ANXA6: variants seen among roughly 807,000 people sequenced by gnomAD.
ANXA6 encodes the protein 67 kDa calelectrin.
A neutral mutation model predicts 95.4 loss-of-function variants in ANXA6; 71 were observed. The observed-to-expected ratio is 0.74, with a 90% confidence interval of 0.61 to 0.91. The LOEUF (loss-of-function observed/expected upper bound fraction) is 0.91, where lower values mean the gene tolerates loss of function less well. ANXA6 is among the 40% of genes least tolerant of loss of function. ANXA6 has a pLI of 0.00. For synonymous variants in ANXA6, 289 were observed against 315.9 expected (o/e 0.91, Z 0.90); for missense variants, 830 against 876.4 (o/e 0.95, Z 0.67).
chr5:151,122,656 C>T (rs1366675562), intron 16 of ANXA6, among the ~76,000 whole-genome samples: 2 of 152,222 alleles, frequency 1.3e-5, no homozygotes, highest in Admixed American at 6.5e-5. Flanking sequence ...CAACTCATAG[C>T]CCTGATCTTG....
intron 1 of ANXA6, among the ~76,000 whole-genome samples, chr5:151,153,548 T>C (rs1187765467): frequency 6.6e-6 from 1 of 152,212 alleles, no homozygotes; most frequent in Non-Finnish European, 1.5e-5. Context: ...CTCCATTAGA[T>C]AAGGGCTGCC....
intron 13 of ANXA6, among the ~76,000 whole-genome samples, 200 bp downstream of exon 13, chr5:151,127,981 G>A (rs1246975990): frequency 2.6e-5 from 4 of 152,212 alleles, no homozygotes; most frequent in Non-Finnish European, 4.4e-5. Flanking sequence ...CCACGCTCAC[G>A]TTCAGACCCC....
At position 151,127,974 on chromosome 5, in the gene ANXA6, C is replaced by T. The variant is rs116406498; in HGVS notation, c.977+207G>A. Among the ~76,000 whole-genome samples, 968 of 152,276 alleles carry T rather than the reference C, an allele frequency of 6.4e-3. 9 individuals are homozygous for T. The highest frequency in any genetic ancestry group is 0.023 in the African/African-American group (939 of 41,558). ...AGACATCTCCATATACAGGAGACCACGCTCACGTTCAGACCCCCACACTCT... is the reference window on the plus strand; with the variant it reads ...AGACATCTCCATATACAGGAGACCATGCTCACGTTCAGACCCCCACACTCT... On this transcript the variant is annotated intron_variant, in intron 13 of 25. Coordinates refer to ENST00000354546, the MANE Select transcript of ANXA6 (RefSeq NM_001155.5).
intron 17 of ANXA6, among the ~76,000 whole-genome samples, chr5:151,121,783 A>G (rs1337808939): frequency 6.6e-6 from 1 of 152,206 alleles, no homozygotes; most frequent in Non-Finnish European, 1.5e-5. Flanking sequence ...GTAAATGCCA[A>G]GCCTGTTGTT....
rs543393937 is a variant in ANXA6 at position 151,137,732 on chromosome 5, C to T, written c.319-411G>A. ...CTCCCACCATGTGAGATGCCTGCTC[C>T]CTCTTTGCCTTCTGCCAAGACTGGA... On this transcript the variant is annotated intron_variant, in intron 5 of 25. Coordinates refer to ENST00000354546, the MANE Select transcript of ANXA6 (RefSeq NM_001155.5). 4.5e-4 allele frequency among the ~76,000 whole-genome samples: 68 copies of T among 152,312 alleles called. 1 individual carries two copies. Among genetic ancestry groups the T allele is most frequent in the Middle Eastern group, 6.8e-3 (2 of 294 alleles).
At chr5:151,102,184 T>C (rs1438431202) in intron 25 of ANXA6, among the ~76,000 whole-genome samples, 1 of 152,256 alleles carries the variant, frequency 6.6e-6, no homozygotes, top group African/African-American at 2.4e-5. Context: ...ATCATTGTTA[T>C]GAGACATGGT....
intron 2 of ANXA6, among the ~76,000 whole-genome samples, chr5:151,146,522 G>A (rs1765979547): frequency 1.3e-5 from 2 of 152,164 alleles, no homozygotes; most frequent in African/African-American, 4.8e-5. Context: ...CAGTCATGAT[G>A]TCAAGGATGG....
chr5:151,129,526 G>T lies in ANXA6; in HGVS notation c.799C>A (p.Leu267Met). ...ATCAGGGTGTTGTCCCGAGTCCCCA[G>T]GCCCTGCAAGACAAGTGGGTTTGGG... ...AERLFKAMKG[L>M]GTRDNTLIRI... Residue 267 changes from leucine (L) to methionine (M), a missense_variant, in exon 12 of 26, where the codon CTG (leucine) becomes ATG (methionine). By Grantham distance (15) the Leu-to-Met change is conservative. Coordinates refer to ENST00000354546, the MANE Select transcript of ANXA6 (RefSeq NM_001155.5). 6 of 1,601,118 alleles carry T rather than the reference G, an allele frequency of 3.7e-6. No individual in the cohort carries two copies. The highest frequency in any genetic ancestry group is 5.1e-6 in the Non-Finnish European group (6 of 1,173,816).
chr5:151,114,164 A>G (rs12651780), intron 20 of ANXA6, among the ~76,000 whole-genome samples: 50,355 of 152,022 alleles, frequency 0.33, 9,526 homozygotes, highest in Admixed American at 0.46. Flanking sequence ...GCTAATGTGT[A>G]TGGAGTTTCT....
chr5:151,108,553 G>C lies in ANXA6; in HGVS notation c.1685-3C>G. On this transcript the variant is annotated splice_region_variant and splice_polypyrimidine_tract_variant and intron_variant, in intron 22 of 25. Transcript: ENST00000354546. ...CATCTTGATGAACTCCTGGAAGACT[G>C]GCCACAAGAGAAGCCCCAGAGGTGG... The C allele has an allele frequency of 6.2e-7, 1 of 1,613,744 alleles. No individual in the cohort carries two copies. The highest frequency in any genetic ancestry group is 8.5e-7 in the Non-Finnish European group (1 of 1,179,678).
Position 151,134,534 on chromosome 5 carries a change from G to C in ANXA6, c.490-51C>G, listed in dbSNP as rs550813540. 6 of 1,598,364 alleles carry C rather than the reference G, an allele frequency of 3.8e-6. No individual in the cohort carries two copies. In the South Asian group the frequency reaches 6.6e-5, roughly 18 times the overall value. ...GTTTCAAACACTGCAAAGTCAGGAG[G>C]GAGGCCTGGATGCCAGTGGTGGAGA... On this transcript the variant is annotated intron_variant, in intron 7 of 25. Coordinates refer to ENST00000354546, the MANE Select transcript of ANXA6 (RefSeq NM_001155.5).
chr5:151,126,256 C>T, intron 14 of ANXA6, 146 bp downstream of exon 14: 1 of 692,782 alleles, frequency 1.4e-6, no homozygotes, highest in Non-Finnish European at 2.5e-6. Flanking sequence ...TTCACCACTC[C>T]AAGGGAGAAA....
At chr5:151,157,347 GC>G (rs972740663) in intron 1 of ANXA6, among the ~76,000 whole-genome samples, 2 of 151,806 alleles carry the variant, frequency 1.3e-5, no homozygotes, top group East Asian at 3.9e-4. Flanking sequence ...AGTCTCTTGA[GC>G]CCCCCCAAAT....
chr5:151,119,343 C>T lies in ANXA6; in HGVS notation c.1395G>A (p.Arg465=). ...EKALIEILAT[R]TNAEIRAINE... ...TGATGGCCCGGATTTCAGCATTGGT[C>T]CGAGTGGCCAGGATTTCAATAAGAG... The change falls in exon 18 of 26, where the codon CGG becomes CGA. Residue 465 remains arginine, a synonymous_variant. Coordinates refer to ENST00000354546, the MANE Select transcript of ANXA6 (RefSeq NM_001155.5). The T allele has an allele frequency of 6.2e-7, 1 of 1,613,724 alleles. No individual in the cohort carries two copies.
At chr5:151,134,676 T>C (rs1486599598) in intron 7 of ANXA6, among the ~76,000 whole-genome samples, 193 bp from the exon 8 acceptor site, 4 of 152,196 alleles carry the variant, frequency 2.6e-5, no homozygotes, top group Non-Finnish European at 5.9e-5. Context: ...CCCTCTGGCC[T>C]TTCCCTTCCT....
chr5:151,103,957 T>C (rs1764621942), intron 24 of ANXA6, among the ~76,000 whole-genome samples: 1 of 152,180 alleles, frequency 6.6e-6, no homozygotes. Context: ...AATTTGGAAA[T>C]AAGGTATTTG....
rs1195324019 is a variant in ANXA6, at chr5:151,132,871, A to C, written c.640+223T>G. The stretch of plus-strand genomic sequence containing the variant: ...GAGGGACTATACAAACTGCTGTCTG[A>C]TATTAGGTTGGTGCAAAAGTAATTG... On this transcript the variant is annotated intron_variant, in intron 9 of 25. Coordinates refer to ENST00000354546, the MANE Select transcript of ANXA6 (RefSeq NM_001155.5). Among the ~76,000 whole-genome samples the C allele has an allele frequency of 2.0e-5, 3 of 151,264 alleles. No individual in the cohort carries two copies. In the East Asian group the frequency reaches 6.0e-4, roughly 30 times the overall value.
intron 22 of ANXA6, 81 bp from the exon 23 acceptor site, chr5:151,108,631 C>T: frequency 8.3e-7 from 1 of 1,206,158 alleles, no homozygotes; most frequent in Non-Finnish European, 1.2e-6. Flanking sequence ...CCACCCAGTG[C>T]CTCCCACAGG....
intron 22 of ANXA6, among the ~76,000 whole-genome samples, chr5:151,109,515 A>G (rs148269292): frequency 6.6e-6 from 1 of 152,252 alleles, no homozygotes; most frequent in African/African-American, 2.4e-5. Flanking sequence ...CAGTTGCTAT[A>G]CCTAATCCCG....
Sources: gnomAD v4.1 joint callset for allele counts (sites outside exome capture counted in the v4.1 genomes callset) on GRCh38, gnomAD v4.1.1 for gene constraint, MANE v1.5 for transcripts, NCBI Gene and HGNC (gene_info 2026-07-23, HGNC 2026-07-21) for gene names.